The following ANKS1B variants were observed in gnomAD, a reference collection of about 807,000 sequenced individuals.
ANKS1B encodes the protein ankyrin repeat and sterile alpha motif domain containing 1B.
ANKS1B carries 36 observed loss-of-function variants against 148.3 expected under a neutral mutation model. The observed-to-expected ratio is 0.24, with a 90% CI of 0.19 to 0.32. The LOEUF is 0.32. Ranked by LOEUF, ANKS1B falls within the 10% of genes least tolerant of loss-of-function variation. ANKS1B has a pLI of 1.00. For missense variants in ANKS1B, 1,157 were observed against 1,542.6 expected, an observed-to-expected ratio of 0.75 and a Z score of 4.19; for synonymous variants, 542 against 560.8, an observed-to-expected ratio of 0.97 and a Z score of 0.47.
intron 1 of ANKS1B, among the ~76,000 whole-genome samples, chr12:99,847,595 T>C (rs768305097): frequency 1.3e-5 from 2 of 152,182 alleles, no homozygotes; most frequent in African/African-American, 2.4e-5. Context: ...ATTAAGTCAT[T>C]CCCTTTTTGT....
At chr12:99,767,776 C>A (rs1231739516) in intron 8 of ANKS1B, among the ~76,000 whole-genome samples, 1 of 152,002 alleles carries the variant, frequency 6.6e-6, no homozygotes, top group Non-Finnish European at 1.5e-5. Flanking sequence ...AAAATGTATG[C>A]AAGACAAAAT....
chr12:99,911,331 C>T (rs1431784204), intron 1 of ANKS1B, among the ~76,000 whole-genome samples: 1 of 152,142 alleles, frequency 6.6e-6, no homozygotes, highest in Non-Finnish European at 1.5e-5. Context: ...AGTCATGATA[C>T]AAACTAACCA....
chr12:99,016,185 T>C (rs1468578992), intron 17 of ANKS1B, among the ~76,000 whole-genome samples: 1 of 137,756 alleles, frequency 7.3e-6, no homozygotes, highest in Non-Finnish European at 1.5e-5. Flanking sequence ...ATTTCTTTGT[T>C]AGACATTTGC....
intron 1 of ANKS1B, among the ~76,000 whole-genome samples, chr12:99,955,364 G>A (rs1390585324): frequency 4.0e-5 from 6 of 151,444 alleles, no homozygotes; most frequent in Admixed American, 6.6e-5. Flanking sequence ...ATGGTGGCGC[G>A]CGCCTGTAGT....
At chr12:99,798,519 T>C (rs1334875025) in intron 4 of ANKS1B, among the ~76,000 whole-genome samples, 1 of 151,952 alleles carries the variant, frequency 6.6e-6, no homozygotes, top group African/African-American at 2.4e-5. Context: ...AGCAGCTCTT[T>C]TGCATTATCT....
At chr12:98,992,468 C>A (rs1213904952) in intron 17 of ANKS1B, among the ~76,000 whole-genome samples, 2 of 152,104 alleles carry the variant, frequency 1.3e-5, no homozygotes, top group Non-Finnish European at 2.9e-5. Context: ...ATAGTGAGTT[C>A]TCCTGAGATC....
intron 12 of ANKS1B, among the ~76,000 whole-genome samples, chr12:99,391,136 C>T: frequency 6.6e-6 from 1 of 152,214 alleles, no homozygotes; most frequent in Middle Eastern, 3.2e-3. Flanking sequence ...AAACTTTCTC[C>T]ATCCTCCTCA....
chr12:99,932,247 C>A (rs2094638094), intron 1 of ANKS1B, among the ~76,000 whole-genome samples: 1 of 152,052 alleles, frequency 6.6e-6, no homozygotes, highest in Non-Finnish European at 1.5e-5. Context: ...GTAAATATGT[C>A]TTTGATATAT....
intron 4 of ANKS1B, among the ~76,000 whole-genome samples, chr12:99,789,924 A>AT (rs1286605598): frequency 6.6e-6 from 1 of 151,666 alleles, no homozygotes; most frequent in East Asian, 1.9e-4. Context: ...AGGTTGAGAA[A>AT]TAGTTAGGGG....
rs185730299 is a variant in ANKS1B at position 98,835,857 on chromosome 12, T to C, written c.2779-3721A>G. Reference sequence around the variant, plus strand: ...AGAAATGAGCCCCCATCACTGAAGATACTGATGGTAACTTCCATTTACTGA... The same window carrying C: ...AGAAATGAGCCCCCATCACTGAAGACACTGATGGTAACTTCCATTTACTGA... On this transcript the variant is annotated intron_variant, in intron 17 of 26. Transcript: ENST00000683438. Among the ~76,000 whole-genome samples, 10 of 152,348 alleles carry C rather than the reference T, an allele frequency of 6.6e-5. No homozygotes were observed. The East Asian group carries it at 1.7e-3, about 26-fold the overall frequency.
intron 15 of ANKS1B, among the ~76,000 whole-genome samples, chr12:99,108,469 TG>T (rs2059661643): frequency 6.6e-6 from 1 of 152,138 alleles, no homozygotes; most frequent in South Asian, 2.1e-4. Flanking sequence ...CATCAGGAAT[TG>T]GGGCCCTGAA....
chr12:99,839,423 C>T (rs1334948100), intron 1 of ANKS1B, among the ~76,000 whole-genome samples: 2 of 151,840 alleles, frequency 1.3e-5, no homozygotes, highest in African/African-American at 2.4e-5. Context: ...ATAGGTAAAA[C>T]CCAAGGATAA....
At chr12:99,757,710 T>G (rs970597337) in intron 8 of ANKS1B, among the ~76,000 whole-genome samples, 2 of 152,054 alleles carry the variant, frequency 1.3e-5, no homozygotes. Flanking sequence ...AGTGATGGAC[T>G]GAATAAAGAA....
At chr12:98,750,574 C>T (rs1324092428) in intron 26 of ANKS1B, among the ~76,000 whole-genome samples, 1 of 152,002 alleles carries the variant, frequency 6.6e-6, no homozygotes, top group Non-Finnish European at 1.5e-5. Flanking sequence ...GATTCGGGGG[C>T]GTGAGAGCAA....
chr12:99,134,643 TCTCACACACACACACACACACACA>T (rs1290947720), intron 15 of ANKS1B, among the ~76,000 whole-genome samples: 34 of 83,088 alleles, frequency 4.1e-4, no homozygotes, highest in Non-Finnish European at 1.4e-4. Flanking sequence ...TCTCTCTCTC[TCTCACACACACACACACACACACA>T]CACACACACA....
At chr12:99,863,258 A>G (rs966308356) in intron 1 of ANKS1B, among the ~76,000 whole-genome samples, 1 of 152,162 alleles carries the variant, frequency 6.6e-6, no homozygotes, top group Non-Finnish European at 1.5e-5. Flanking sequence ...TGTACCTTTA[A>G]GTCAACATTC....
chr12:99,764,222 T>C (rs1157414097), intron 8 of ANKS1B, among the ~76,000 whole-genome samples: 1 of 152,202 alleles, frequency 6.6e-6, no homozygotes, highest in Non-Finnish European at 1.5e-5. Context: ...ATATTTTCCC[T>C]GTCTTCAAGG....
At chr12:98,957,684 G>A (rs1199174334) in intron 17 of ANKS1B, among the ~76,000 whole-genome samples, 5 of 152,090 alleles carry the variant, frequency 3.3e-5, no homozygotes, top group Non-Finnish European at 7.4e-5. Flanking sequence ...GGGGTGGTGA[G>A]CTGATTGGTA....
chr12:99,752,390 A>G (rs1273980055), intron 8 of ANKS1B, among the ~76,000 whole-genome samples: 1 of 151,954 alleles, frequency 6.6e-6, no homozygotes, highest in Non-Finnish European at 1.5e-5. Context: ...TTTACCTGCC[A>G]AACTCCAAGC....
Sources: gnomAD v4.1 joint callset for allele counts (sites outside exome capture counted in the v4.1 genomes callset) on GRCh38, gnomAD v4.1.1 for gene constraint, MANE v1.5 for transcripts, NCBI Gene and HGNC (gene_info 2026-07-23, HGNC 2026-07-21) for gene names.